Variants in ZWILCH observed in about 807,000 individuals in gnomAD.
ZWILCH encodes the protein zwilch kinetochore protein, also known as protein zwilch homolog.
A neutral mutation model predicts 79.9 loss-of-function variants in ZWILCH; 74 were observed. The ratio of observed to expected loss-of-function variants is 0.93; its 90% CI spans 0.77 to 1.12. ZWILCH has a LOEUF of 1.12. ZWILCH is among the 50% of genes most tolerant of loss of function. ZWILCH has a pLI of 0.00. For synonymous variants in ZWILCH, 241 were observed against 228.2 expected (o/e 1.06, Z -0.51); for missense variants, 694 against 687.5 (o/e 1.01, Z -0.11).
chr15:66,508,068 G>C (rs1893895104), intron 1 of ZWILCH, among the ~76,000 whole-genome samples: 1 of 152,100 alleles, frequency 6.6e-6, no homozygotes, highest in South Asian at 2.1e-4. Flanking sequence ...TAGCTCTTCT[G>C]TTTCTATTTC....
At chr15:66,530,668 T>G (rs989959646) in intron 12 of ZWILCH, among the ~76,000 whole-genome samples, 36 of 152,310 alleles carry the variant, frequency 2.4e-4, no homozygotes, top group Middle Eastern at 3.4e-3. Flanking sequence ...CTGTGTTATA[T>G]TTCTACTTTA....
chr15:66,531,586 G>A (rs1190596814), intron 12 of ZWILCH, among the ~76,000 whole-genome samples: 6 of 151,782 alleles, frequency 4.0e-5, no homozygotes, highest in African/African-American at 7.3e-5. Flanking sequence ...TCAGCCTCCC[G>A]AGCTGGGACT....
chr15:66,512,016 A>G (rs1216723989), intron 2 of ZWILCH, among the ~76,000 whole-genome samples: 2 of 152,174 alleles, frequency 1.3e-5, no homozygotes, highest in Non-Finnish European at 2.9e-5. Flanking sequence ...TTTAGGTATT[A>G]ATCTTAAGAA....
At chr15:66,510,738 T>C (rs530267342) in intron 2 of ZWILCH, among the ~76,000 whole-genome samples, 74 of 152,344 alleles carry the variant, frequency 4.9e-4, no homozygotes, top group African/African-American at 1.7e-3. Flanking sequence ...TAAGAAAGAA[T>C]CTTTCCTTGC....
At chr15:66,509,855 A>ATGTGTGTGTGTGGC (rs1567039437) in intron 2 of ZWILCH, among the ~76,000 whole-genome samples, 5 of 106,590 alleles carry the variant, frequency 4.7e-5, no homozygotes, top group Non-Finnish European at 1.0e-4. Flanking sequence ...ATATATATAT[A>ATGTGTGTGTGTGGC]TATATATATA....
chr15:66,528,367 G>T lies in ZWILCH; in HGVS notation c.969+455G>T, dbSNP rs143877250. Among the ~76,000 whole-genome samples, 338 of 152,324 alleles carry T rather than the reference G, an allele frequency of 2.2e-3. 2 individuals carry two copies. Among genetic ancestry groups the T allele is most frequent in the African/African-American group, 8.0e-3 (333 of 41,568 alleles). On this transcript the variant is annotated intron_variant, in intron 10 of 18. Transcript: ENST00000307897. ...AATCCACCTGCATTGGCCTCCCAAA[G>T]TGCTGGGATTACAGGCATAGCCACT... is the stretch of plus-strand genomic sequence containing the variant.
intron 1 of ZWILCH, among the ~76,000 whole-genome samples, chr15:66,506,169 A>C (rs1893808828): frequency 6.6e-6 from 1 of 152,096 alleles, no homozygotes; most frequent in Non-Finnish European, 1.5e-5. Context: ...TGATTTCCTA[A>C]ATGTTATAAT....
At chr15:66,536,852 G>A (rs545804834) in intron 15 of ZWILCH, among the ~76,000 whole-genome samples, 2 of 150,574 alleles carry the variant, frequency 1.3e-5, no homozygotes, top group African/African-American at 4.9e-5. Flanking sequence ...TTTTTGTATT[G>A]TTTCTCTCTT....
At chr15:66,516,079 G>T (rs1894243181) in intron 4 of ZWILCH, among the ~76,000 whole-genome samples, 1 of 152,212 alleles carries the variant, frequency 6.6e-6, no homozygotes, top group African/African-American at 2.4e-5. Flanking sequence ...ACCAGGGGTG[G>T]TACCATACCC....
intron 17 of ZWILCH, among the ~76,000 whole-genome samples, chr15:66,544,524 A>G (rs1895292377): frequency 6.6e-6 from 1 of 151,824 alleles, no homozygotes; most frequent in Admixed American, 6.6e-5. Flanking sequence ...AATTTTTCAT[A>G]GAGGCGAGGT....
intron 16 of ZWILCH, among the ~76,000 whole-genome samples, chr15:66,537,590 C>T (rs1014158512): frequency 1.3e-4 from 20 of 151,960 alleles, no homozygotes; most frequent in African/African-American, 4.8e-4. Context: ...ACTCGGGAGG[C>T]TGAGGCAGGA....
intron 15 of ZWILCH, among the ~76,000 whole-genome samples, chr15:66,536,838 C>CT (rs754133897): frequency 1.3e-4 from 19 of 151,886 alleles, no homozygotes; most frequent in Admixed American, 5.2e-4. Context: ...TCTTCTGCCT[C>CT]TTTTTTTTGT....
At chr15:66,508,232 A>T (rs1329516164) in intron 1 of ZWILCH, among the ~76,000 whole-genome samples, 3 of 152,170 alleles carry the variant, frequency 2.0e-5, no homozygotes, top group African/African-American at 2.4e-5. Flanking sequence ...AGTGCTTTAG[A>T]TTCACTATTT....
At position 66,518,288 on chromosome 15, in the gene ZWILCH, C is replaced by CTT. The variant is rs537865347; in HGVS notation, c.321-574_321-573dup. Among the ~76,000 whole-genome samples, 248 of 124,008 alleles carry CTT rather than the reference C, an allele frequency of 2.0e-3. 1 individual carries two copies. The highest frequency in any genetic ancestry group is 5.0e-3 in the South Asian group (19 of 3,836). 81.4% of individuals were successfully genotyped at this position (124,008 alleles called of 152,430 possible). A position where few individuals can be genotyped will look rare whatever the true frequency, so the allele number is the denominator to read the frequency against. On this transcript the variant is annotated intron_variant, in intron 4 of 18. Transcript: ENST00000307897. Reference sequence around the variant, plus strand: ...GTTGTTTCTGTGAGACCTCTCGTGTCTTTTTTTTTTTTTTTTTTGAGACAG... The same window carrying CTT: ...GTTGTTTCTGTGAGACCTCTCGTGTCTTTTTTTTTTTTTTTTTTTTGAGACAG...
At chr15:66,517,302 G>A (rs1490430248) in intron 4 of ZWILCH, among the ~76,000 whole-genome samples, 1 of 150,978 alleles carries the variant, frequency 6.6e-6, no homozygotes, top group Non-Finnish European at 1.5e-5. Context: ...ATGCAAAGCA[G>A]TGTATTGCTA....
At position 66,525,756 on chromosome 15, in the gene ZWILCH, C is replaced by CTTT. The variant is rs66835007; in HGVS notation, c.820-1513_820-1511dup. Among the ~76,000 whole-genome samples, 136 of 93,466 alleles carry CTTT rather than the reference C, an allele frequency of 1.5e-3. 1 individual carries two copies. Among genetic ancestry groups the CTTT allele is most frequent in the African/African-American group, 2.0e-3 (47 of 23,400 alleles). The allele number at this position is 93,466 out of a possible 152,430, so 61.3% of individuals were successfully genotyped here. A position where few individuals can be genotyped will look rare whatever the true frequency, so the allele number is the denominator to read the frequency against. ...CAACAAAAATTATATTCACATTTTT[C>CTTT]TTTTTTTTTTTTTTTTTTTTTTTGA... On this transcript the variant is annotated intron_variant, in intron 8 of 18. Transcript: ENST00000307897.
rs1894761479 is a variant in ZWILCH at position 66,528,752 on chromosome 15, T to C, written c.970-100T>C. The C allele has an allele frequency of 4.4e-6, 4 of 908,630 alleles. No homozygotes were observed. The South Asian group carries it at 4.7e-5, about 11-fold the overall frequency. 56.3% of individuals were successfully genotyped at this position (908,630 alleles called of 1,614,324 possible). On this transcript the variant is annotated intron_variant, in intron 10 of 18. Transcript: ENST00000307897. ...GAAAATTCGTTCATATCTTTGTGTG[T>C]GTTCATGAATCCATAATTTCTCAGA...
intron 8 of ZWILCH, among the ~76,000 whole-genome samples, chr15:66,525,461 T>C (rs1894638816): frequency 6.6e-6 from 1 of 152,220 alleles, no homozygotes; most frequent in South Asian, 2.1e-4. Context: ...ATTCCACATA[T>C]ACCTTGCTAC....
intron 2 of ZWILCH, among the ~76,000 whole-genome samples, chr15:66,510,695 G>A (rs1220740796): frequency 6.6e-6 from 1 of 152,124 alleles, no homozygotes; most frequent in African/African-American, 2.4e-5. Flanking sequence ...TGAAATTAAG[G>A]TGTCAGCAAG....
Sources: allele counts gnomAD v4.1 joint callset (sites outside exome capture counted in the v4.1 genomes callset), GRCh38; gene constraint gnomAD v4.1.1; transcripts MANE v1.5; gene names NCBI Gene and HGNC (gene_info 2026-07-23, HGNC 2026-07-21).